Variants in OLFM2 observed in about 807,000 individuals in gnomAD.
The protein encoded by OLFM2 is noelin-2.
OLFM2 carries 20 observed loss-of-function variants against 43.9 expected under a neutral mutation model. The observed-to-expected ratio is 0.46, with a 90% CI of 0.32 to 0.66. The LOEUF is 0.66. Among genes scored for constraint, OLFM2 ranks in the 30% least tolerant of loss-of-function variants. The probability of loss-of-function intolerance (pLI) is 0.04; values close to 1 mark genes in which losing one functional copy is unlikely to be tolerated. For missense variants in OLFM2, 416 were observed against 643.6 expected, an observed-to-expected ratio of 0.65 and a Z score of 3.83; for synonymous variants, 268 against 278.6, an observed-to-expected ratio of 0.96 and a Z score of 0.38.
intron 1 of OLFM2, among the ~76,000 whole-genome samples, chr19:9,901,840 G>A (rs1445085563): frequency 6.6e-6 from 1 of 152,166 alleles, no homozygotes; most frequent in Non-Finnish European, 1.5e-5. Context: ...ATGCACATAT[G>A]TGCACATCAG....
At chr19:9,870,039 T>G (rs2046430530) in intron 1 of OLFM2, among the ~76,000 whole-genome samples, 1 of 152,186 alleles carries the variant, frequency 6.6e-6, no homozygotes, top group South Asian at 2.1e-4. Context: ...ATTACAGGCA[T>G]GCACCACTGC....
At chr19:9,915,618 G>A (rs562294856) in intron 1 of OLFM2, among the ~76,000 whole-genome samples, 1 of 151,856 alleles carries the variant, frequency 6.6e-6, no homozygotes, top group Non-Finnish European at 1.5e-5. Flanking sequence ...CCCGGGTTCA[G>A]GCCATTCTCC....
chr19:9,930,219 A>C (rs1038307849), intron 1 of OLFM2, among the ~76,000 whole-genome samples: 1 of 152,246 alleles, frequency 6.6e-6, no homozygotes, highest in African/African-American at 2.4e-5. Flanking sequence ...CTATGGGGCC[A>C]AAGTTAGAGT....
chr19:9,883,675 G>A (rs967875834), intron 1 of OLFM2, among the ~76,000 whole-genome samples: 1 of 152,050 alleles, frequency 6.6e-6, no homozygotes. Flanking sequence ...ATCCATCCCC[G>A]GCTGAGCACG....
chr19:9,891,475 A>G (rs1199461824), intron 1 of OLFM2, among the ~76,000 whole-genome samples: 1 of 151,474 alleles, frequency 6.6e-6, no homozygotes, highest in Non-Finnish European at 1.5e-5. Flanking sequence ...AAATATAAAA[A>G]TTAGCCAGGT....
intron 1 of OLFM2, among the ~76,000 whole-genome samples, chr19:9,932,100 C>T (rs922389851): frequency 1.3e-5 from 2 of 152,052 alleles, no homozygotes; most frequent in Non-Finnish European, 2.9e-5. Flanking sequence ...GATAAACTGC[C>T]GCTCTAGTGG....
At chr19:9,905,828 T>C (rs1221758218) in intron 1 of OLFM2, among the ~76,000 whole-genome samples, 1 of 152,164 alleles carries the variant, frequency 6.6e-6, no homozygotes, top group South Asian at 2.1e-4. Context: ...CTTGGCAGCC[T>C]GGCACAGGCG....
chr19:9,896,495 C>G (rs7256625), intron 1 of OLFM2, among the ~76,000 whole-genome samples: 56,222 of 152,052 alleles, frequency 0.37, 12,160 homozygotes, highest in Admixed American at 0.52. Flanking sequence ...ACTCCTGGCT[C>G]AAGCCATCCT....
At chr19:9,873,870 C>T (rs951379388) in intron 1 of OLFM2, among the ~76,000 whole-genome samples, 4 of 130,556 alleles carry the variant, frequency 3.1e-5, no homozygotes, top group African/African-American at 1.2e-4. Flanking sequence ...AAGCTAGTCT[C>T]GAACTCCTGA....
At chr19:9,883,301 C>T (rs990238137) in intron 1 of OLFM2, among the ~76,000 whole-genome samples, 5 of 151,740 alleles carry the variant, frequency 3.3e-5, no homozygotes, top group South Asian at 2.1e-4. Context: ...TCCAGGTAAG[C>T]ATATCCAGGC....
chr19:9,862,082 G>C (rs2046369273), intron 1 of OLFM2, among the ~76,000 whole-genome samples: 1 of 151,820 alleles, frequency 6.6e-6, no homozygotes, highest in Non-Finnish European at 1.5e-5. Flanking sequence ...CCCAGGCATA[G>C]GGTCTGGGAT....
intron 1 of OLFM2, 125 bp from the exon 2 acceptor site, chr19:9,860,919 G>A: frequency 1.0e-6 from 1 of 971,398 alleles, no homozygotes; most frequent in Admixed American, 2.8e-5. Flanking sequence ...ATATGCCAGT[G>A]CCTGTTGTGT....
rs552641545 is a variant in OLFM2 at position 9,918,061 on chromosome 19, T to A, written c.63+18243A>T. On this transcript the variant is annotated intron_variant, in intron 1 of 5. Coordinates refer to ENST00000264833, the MANE Select transcript of OLFM2 (RefSeq NM_058164.4). ...GCCTGGGTAATTTTTGTATTTTTAG[T>A]AGAGATGGGGTTTCACCATGTTGAC... Among the ~76,000 whole-genome samples the A allele has an allele frequency of 3.3e-5, 5 of 152,070 alleles. No homozygotes were observed. In the East Asian group the frequency reaches 9.7e-4, roughly 29 times the overall value.
At chr19:9,906,380 C>T (rs775153857) in intron 1 of OLFM2, among the ~76,000 whole-genome samples, 1 of 152,084 alleles carries the variant, frequency 6.6e-6, no homozygotes, top group Non-Finnish European at 1.5e-5. Context: ...ATCCCTTTAT[C>T]GAAGGACACC....
At position 9,858,543 on chromosome 19, in the gene OLFM2, G is replaced by A. The variant is rs532400381; in HGVS notation, c.214-682C>T. Among the ~76,000 whole-genome samples the A allele has an allele frequency of 6.6e-5, 10 of 152,302 alleles. No homozygotes were observed. The East Asian group carries it at 7.7e-4, about 12-fold the overall frequency. ...TGGGACCCTCAGAGGCAGAGGCTGC[G>A]TCTAGCTTGTCCACAGCTTAACCTC... On this transcript the variant is annotated intron_variant, in intron 2 of 5. Coordinates refer to ENST00000264833, the MANE Select transcript of OLFM2 (RefSeq NM_058164.4).
intron 1 of OLFM2, among the ~76,000 whole-genome samples, chr19:9,931,095 T>G (rs548259447): frequency 8.5e-5 from 13 of 152,140 alleles, no homozygotes; most frequent in Non-Finnish European, 1.8e-4. Context: ...AAGGGGCTCT[T>G]TCCTACACTA....
intron 1 of OLFM2, among the ~76,000 whole-genome samples, chr19:9,887,209 G>A (rs1211855601): frequency 3.3e-5 from 5 of 151,200 alleles, no homozygotes; most frequent in African/African-American, 9.7e-5. Flanking sequence ...ATGGAGTCTC[G>A]CTCTTGTTGC....
rs2145431849 is a variant in OLFM2, at chr19:9,858,404, C to T, written c.214-543G>A. ...CAGCTCCAGCGTCCCCCACTCAAAG[C>T]ATCCTTCCCTGACCACCCTGTCCGG... is the stretch of plus-strand genomic sequence containing the variant. On this transcript the variant is annotated intron_variant, in intron 2 of 5. Coordinates refer to ENST00000264833, the MANE Select transcript of OLFM2 (RefSeq NM_058164.4). 1.3e-5 allele frequency among the ~76,000 whole-genome samples: 2 copies of T among 152,284 alleles called. 1 individual carries two copies. Among genetic ancestry groups the T allele is most frequent in the South Asian group, 4.1e-4 (2 of 4,830 alleles).
At position 9,857,653 on chromosome 19, in the gene OLFM2, A is replaced by G; in HGVS notation, c.360+62T>C. The G allele has an allele frequency of 6.3e-7, 1 of 1,599,816 alleles. No homozygotes were observed. Among genetic ancestry groups the G allele is most frequent in the Non-Finnish European group, 8.6e-7 (1 of 1,167,218 alleles). On this transcript the variant is annotated intron_variant, in intron 3 of 5. Transcript: ENST00000264833. The surrounding 1 kb of genome is among the most constrained non-coding windows in gnomAD (Gnocchi z 5.7). ...TCCCAGACATGACTCCATTGTAGGA[A>G]CTAATGGATACCAAATCCCAGTCAT...
Sources: allele counts gnomAD v4.1 joint callset (sites outside exome capture counted in the v4.1 genomes callset), GRCh38; gene constraint gnomAD v4.1.1; non-coding constraint Gnocchi (gnomAD v3.1); transcripts MANE v1.5; gene names NCBI Gene and HGNC (gene_info 2026-07-23, HGNC 2026-07-21).